Variants in PCDHA1 observed in about 807,000 individuals in gnomAD.
PCDHA1 encodes protocadherin alpha-1.
Under a neutral mutation model 61.3 loss-of-function variants are expected in PCDHA1, and 42 were observed. That is an observed-to-expected ratio of 0.69 (90% CI 0.54 to 0.89). The LOEUF is 0.89. Ranked by LOEUF, PCDHA1 falls within the 40% of genes least tolerant of loss-of-function variation. PCDHA1 has a pLI of 0.00. For missense variants in PCDHA1, 1,256 were observed against 1,235.3 expected (o/e 1.02, Z -0.25); for synonymous variants, 610 against 553.8 (o/e 1.10, Z -1.43).
intron 1 of PCDHA1, chr5:140,875,768 G>C (rs997656321): frequency 6.2e-7 from 1 of 1,614,144 alleles, no homozygotes; most frequent in African/African-American, 1.3e-5. Flanking sequence ...TGCGGGCGGA[G>C]CGCGGAGTGC....
At chr5:140,936,773 C>T (rs916525557) in intron 1 of PCDHA1, among the ~76,000 whole-genome samples, 3 of 152,280 alleles carry the variant, frequency 2.0e-5, no homozygotes, top group African/African-American at 7.2e-5. Context: ...TGTAAGTTCT[C>T]TCACTTTGTT....
In PCDHA1 at chr5:140,823,215, C is replaced by G. The variant is rs916835953; in HGVS notation, c.2394+34531C>G. On this transcript the variant is annotated intron_variant, in intron 1 of 3. Transcript: ENST00000504120. ...ACATCTTCACGGTGTCTGCACGGGA[C>G]GCGGACGCGCAGGAGAACGCCCTGG... is the stretch of plus-strand genomic sequence containing the variant. 1.2e-6 allele frequency: 2 copies of G among 1,613,652 alleles called. No individual in the cohort carries two copies. The highest frequency in any genetic ancestry group is 1.1e-5 in the South Asian group (1 of 91,078).
intron 1 of PCDHA1, among the ~76,000 whole-genome samples, chr5:140,933,965 T>A (rs1400091615): frequency 2.6e-5 from 4 of 152,064 alleles, no homozygotes; most frequent in Non-Finnish European, 5.9e-5. Flanking sequence ...GTAGTGATGT[T>A]TCCCTTTTCA....
chr5:140,828,469 T>C, intron 1 of PCDHA1: 1 of 1,614,142 alleles, frequency 6.2e-7, no homozygotes, highest in Non-Finnish European at 8.5e-7. Flanking sequence ...TGAGGGACAT[T>C]AACGACAACC....
intron 3 of PCDHA1, among the ~76,000 whole-genome samples, chr5:140,985,279 A>G (rs1168353248): frequency 1.3e-5 from 2 of 152,150 alleles, no homozygotes; most frequent in Non-Finnish European, 2.9e-5. Context: ...CTTTTCTGCA[A>G]TCTATGATAT....
intron 1 of PCDHA1, among the ~76,000 whole-genome samples, chr5:140,963,054 T>G (rs1554226381): frequency 6.6e-6 from 1 of 152,174 alleles, no homozygotes; most frequent in Non-Finnish European, 1.5e-5. Flanking sequence ...TATAAGGGTT[T>G]CTACATTGTG....
At chr5:140,829,051 T>G (rs2150162199) in intron 1 of PCDHA1, 1 of 1,613,104 alleles carries the variant, frequency 6.2e-7, no homozygotes, top group South Asian at 1.1e-5. Flanking sequence ...AAATCCTCAT[T>G]GACGCCACGG....
At chr5:140,797,144 C>A (rs782005280) in intron 1 of PCDHA1, 1 of 1,613,960 alleles carries the variant, frequency 6.2e-7, no homozygotes, top group South Asian at 1.1e-5. Context: ...TCGGTGCCAC[C>A]CACCGAGGGT....
chr5:140,808,046 C>T (rs1764088049), intron 1 of PCDHA1: 1 of 1,613,822 alleles, frequency 6.2e-7, no homozygotes, highest in Admixed American at 1.7e-5. Context: ...TGATATTTCG[C>T]CAAATGTGAA....
At chr5:140,801,649 G>T in intron 1 of PCDHA1, 1 of 1,614,130 alleles carries the variant, frequency 6.2e-7, no homozygotes, top group Non-Finnish European at 8.5e-7. Flanking sequence ...CCTGGCTCTC[G>T]GTTTTCGCTA....
intron 1 of PCDHA1, chr5:140,829,317 T>A (rs1327527947): frequency 6.2e-7 from 1 of 1,614,134 alleles, no homozygotes; most frequent in East Asian, 2.2e-5. Context: ...TCGTTGGTGC[T>A]GGACAGTGCC....
At chr5:140,973,728 C>G (rs1193811831) in intron 1 of PCDHA1, among the ~76,000 whole-genome samples, 1 of 152,232 alleles carries the variant, frequency 6.6e-6, no homozygotes, top group African/African-American at 2.4e-5. Context: ...ACATGGGCAT[C>G]TGGTCTAACT....
intron 1 of PCDHA1, among the ~76,000 whole-genome samples, chr5:140,918,603 A>G (rs2078773753): frequency 6.6e-6 from 1 of 152,252 alleles, no homozygotes; most frequent in African/African-American, 2.4e-5. Context: ...AGATGTTGCT[A>G]TGATATGAAT....
intron 2 of PCDHA1, among the ~76,000 whole-genome samples, chr5:140,981,054 G>T (rs1024298698): frequency 1.3e-5 from 2 of 152,182 alleles, no homozygotes; most frequent in Admixed American, 1.3e-4. Flanking sequence ...GATAATTCTA[G>T]AGTGTAGACA....
intron 1 of PCDHA1, chr5:140,852,049 T>C (rs2042227542): frequency 2.2e-6 from 2 of 915,990 alleles, no homozygotes; most frequent in Non-Finnish European, 2.7e-6. Flanking sequence ...TGTTATGTGG[T>C]TTATATTTTT....
chr5:140,966,826 GC>G, intron 1 of PCDHA1: 1 of 1,560,690 alleles, frequency 6.4e-7, no homozygotes, highest in Non-Finnish European at 8.6e-7. Flanking sequence ...GGCGGCCCAT[GC>G]CCTGGCTGCT....
At chr5:140,883,138 A>G (rs967946520) in intron 1 of PCDHA1, 3 of 1,614,120 alleles carry the variant, frequency 1.9e-6, no homozygotes, top group Non-Finnish European at 2.5e-6. Flanking sequence ...CTGCAGTGGT[A>G]TATGCATTTA....
intron 1 of PCDHA1, among the ~76,000 whole-genome samples, chr5:140,911,493 A>G (rs1157677496): frequency 6.6e-6 from 1 of 152,168 alleles, no homozygotes; most frequent in African/African-American, 2.4e-5. Context: ...CAATCTTAGC[A>G]GGTTTGAGGT....
chr5:140,791,979 T>C (rs1338100912), intron 1 of PCDHA1, among the ~76,000 whole-genome samples: 2 of 152,180 alleles, frequency 1.3e-5, no homozygotes, highest in Non-Finnish European at 2.9e-5. Context: ...TTCCTTGGGC[T>C]GATGCAACAA....
Sources: allele counts gnomAD v4.1 joint callset (sites outside exome capture counted in the v4.1 genomes callset), GRCh38; gene constraint gnomAD v4.1.1; transcripts MANE v1.5; gene names NCBI Gene and HGNC (gene_info 2026-07-23, HGNC 2026-07-21).